RYR3: variants seen among roughly 807,000 people sequenced by gnomAD.
The protein encoded by RYR3 is brain ryanodine receptor-calcium release channel.
In RYR3, 207 loss-of-function variants were observed where a neutral mutation model predicts 584.3. That is an observed-to-expected ratio of 0.35 (90% confidence interval 0.32 to 0.40). The LOEUF (loss-of-function observed/expected upper bound fraction) is 0.40. Ranked by LOEUF, RYR3 falls within the 10% of genes least tolerant of loss-of-function variation. The pLI is 1.00. For synonymous variants in RYR3, 2,416 were observed against 2,248.5 expected (o/e 1.07, Z -2.11); for missense variants, 5,616 against 6,089.2 (o/e 0.92, Z 2.59).
intron 1 of RYR3, among the ~76,000 whole-genome samples, chr15:33,340,300 T>A (rs1387052433): frequency 6.6e-6 from 1 of 152,224 alleles, no homozygotes; most frequent in African/African-American, 2.4e-5. Context: ...GATGTGCTCT[T>A]CTTACTGTCT....
intron 65 of RYR3, among the ~76,000 whole-genome samples, chr15:33,783,632 G>A (rs113151590): frequency 0.021 from 3,148 of 152,312 alleles, 117 homozygotes; most frequent in African/African-American, 0.069. Flanking sequence ...GAGCCTTATC[G>A]TTTATAATCC....
Position 33,311,084 on chromosome 15 carries a change from G to A in RYR3, c.39G>A (p.Gln13=), listed in dbSNP as rs750010491. 1.3e-6 allele frequency: 2 copies of A among 1,581,776 alleles called. No individual in the cohort carries two copies. Among genetic ancestry groups the A allele is most frequent in the Non-Finnish European group, 8.6e-7 (1 of 1,165,996 alleles). Residue 13 remains glutamine (Q), a synonymous_variant, in exon 1 of 104, where the codon CAG becomes CAA. Transcript: ENST00000634891. The surrounding 1 kb of genome is among the most constrained non-coding windows in gnomAD (Gnocchi z 4.4). Reference sequence around the variant, plus strand: ...GAGAAGGAGGCGAGGACGAGATCCAGTTTCTGAGGACTGTGAGTCTCCGCG... The same window carrying A: ...GAGAAGGAGGCGAGGACGAGATCCAATTTCTGAGGACTGTGAGTCTCCGCG... ...EGGEGGEDEI[Q]FLRTEDEVVL... is the part of the protein sequence containing the mutation.
intron 62 of RYR3, among the ~76,000 whole-genome samples, chr15:33,769,975 G>A (rs2073433851): frequency 6.6e-6 from 1 of 151,840 alleles, no homozygotes; most frequent in African/African-American, 2.4e-5. Context: ...TAAGAGAGAA[G>A]CAGTGGAAAG....
chr15:33,804,963 G>A (rs2076105220), intron 69 of RYR3, among the ~76,000 whole-genome samples: 1 of 152,194 alleles, frequency 6.6e-6, no homozygotes, highest in South Asian at 2.1e-4. Context: ...TATACAGTGA[G>A]CCACGCTGTT....
chr15:33,487,522 C>A (rs563938589), intron 2 of RYR3, among the ~76,000 whole-genome samples: 1 of 152,222 alleles, frequency 6.6e-6, no homozygotes, highest in Non-Finnish European at 1.5e-5. Context: ...TCTTAGCTAC[C>A]AGAGTGCCTG....
chr15:33,788,152 C>A, intron 66 of RYR3, 66 bp from the exon 67 acceptor site: 3 of 1,599,258 alleles, frequency 1.9e-6, no homozygotes, highest in South Asian at 2.2e-5. Flanking sequence ...ACCTTTCAGT[C>A]ATGTCTTTCA....
intron 1 of RYR3, among the ~76,000 whole-genome samples, chr15:33,322,785 T>C (rs1332045513): frequency 3.9e-5 from 6 of 151,994 alleles, no homozygotes; most frequent in Non-Finnish European, 7.4e-5. Context: ...ATGGTTTCTC[T>C]GGAACCACAT....
At position 33,390,925 on chromosome 15, in the gene RYR3, A is replaced by T. The variant is rs547325778; in HGVS notation, c.51+79829A>T. Among the ~76,000 whole-genome samples, 19 of 152,316 alleles carry T rather than the reference A, an allele frequency of 1.2e-4. No homozygotes were observed. The highest frequency in any genetic ancestry group is 4.6e-4 in the African/African-American group (19 of 41,584). On this transcript the variant is annotated intron_variant, in intron 1 of 103. Coordinates refer to ENST00000634891, the MANE Select transcript of RYR3 (RefSeq NM_001036.6). The surrounding 1 kb of genome is among the most constrained non-coding windows in gnomAD (Gnocchi z 4.2). ...TGTCCCATCACAGGAGGGAATGGGT[A>T]TAAGGAAGCCTGGCATTGATTTCTC...
chr15:33,565,486 A>G (rs997627490), intron 11 of RYR3, among the ~76,000 whole-genome samples: 1 of 152,228 alleles, frequency 6.6e-6, no homozygotes, highest in Non-Finnish European at 1.5e-5. Context: ...TCAAAATAAT[A>G]AAAAGGAAGA....
intron 1 of RYR3, among the ~76,000 whole-genome samples, chr15:33,319,619 C>T (rs891393486): frequency 6.6e-6 from 1 of 152,180 alleles, no homozygotes; most frequent in African/African-American, 2.4e-5. Flanking sequence ...AAAGCGTTTG[C>T]TATATTTGGC....
intron 66 of RYR3, 36 bp from the exon 67 acceptor site, chr15:33,788,182 T>C (rs1237091379): frequency 1.9e-6 from 3 of 1,611,886 alleles, no homozygotes; most frequent in South Asian, 2.2e-5. Flanking sequence ...ATTGCCATAA[T>C]ACGTGAAATG....
chr15:33,831,111 T>C lies in RYR3; in HGVS notation c.11463+20T>C, dbSNP rs776818640. On this transcript the variant is annotated intron_variant, in intron 86 of 103. Transcript: ENST00000634891. ...ATCCAGGTATGTGCTACAGAGTGCA[T>C]GGTTGAAAACAAAGAGAACATTGTT... 16 of 1,608,184 alleles carry C rather than the reference T, an allele frequency of 9.9e-6. No homozygotes were observed. In the East Asian group the frequency reaches 1.6e-4, roughly 16 times the overall value.
At chr15:33,341,955 A>G (rs1971872669) in intron 1 of RYR3, among the ~76,000 whole-genome samples, 1 of 152,224 alleles carries the variant, frequency 6.6e-6, no homozygotes, top group South Asian at 2.1e-4. Flanking sequence ...CAAAGCCACA[A>G]AGCAAATTAG....
chr15:33,589,981 T>G (rs2059046008), intron 16 of RYR3, among the ~76,000 whole-genome samples: 1 of 152,060 alleles, frequency 6.6e-6, no homozygotes, highest in South Asian at 2.1e-4. Flanking sequence ...GCAGGTGGGC[T>G]AAGTTCGAAA....
chr15:33,637,424 C>A (rs988064055), intron 27 of RYR3, among the ~76,000 whole-genome samples: 8 of 152,386 alleles, frequency 5.2e-5, no homozygotes, highest in African/African-American at 1.9e-4. Context: ...CTTTGCCGCA[C>A]TGTTTCCTCC....
intron 32 of RYR3, among the ~76,000 whole-genome samples, chr15:33,657,681 T>A (rs1397165180): frequency 6.6e-6 from 1 of 152,230 alleles, no homozygotes; most frequent in East Asian, 1.9e-4. Context: ...CAAAGCTTAT[T>A]TCAGGCAGAG....
chr15:33,337,403 C>G lies in RYR3; in HGVS notation c.51+26307C>G, dbSNP rs1051021359. Among the ~76,000 whole-genome samples, 16 of 152,106 alleles carry G rather than the reference C, an allele frequency of 1.1e-4. 1 individual carries two copies. Among genetic ancestry groups the G allele is most frequent in the Non-Finnish European group, 1.2e-4 (8 of 68,008 alleles). ...ATGTTATAGGCAAATTCTACAGCAA[C>G]AACAAAAATCAAGCAACTGATAATT... On this transcript the variant is annotated intron_variant, in intron 1 of 103. Coordinates refer to ENST00000634891, the MANE Select transcript of RYR3 (RefSeq NM_001036.6).
intron 1 of RYR3, among the ~76,000 whole-genome samples, chr15:33,468,400 G>A (rs1299412182): frequency 6.6e-6 from 1 of 152,138 alleles, no homozygotes; most frequent in Non-Finnish European, 1.5e-5. Flanking sequence ...CAGAAGTCCA[G>A]AATGAATAGT....
intron 2 of RYR3, among the ~76,000 whole-genome samples, chr15:33,499,903 T>C (rs2051805301): frequency 6.6e-6 from 1 of 152,110 alleles, no homozygotes; most frequent in African/African-American, 2.4e-5. Flanking sequence ...ATGAACCAGA[T>C]GGATTAACAG....
Sources: allele counts gnomAD v4.1 joint callset (sites outside exome capture counted in the v4.1 genomes callset), GRCh38; gene constraint gnomAD v4.1.1; non-coding constraint Gnocchi (gnomAD v3.1); transcripts MANE v1.5; gene names NCBI Gene and HGNC (gene_info 2026-07-23, HGNC 2026-07-21).